The following DIO2 variants were observed in gnomAD, a reference collection of about 807,000 sequenced individuals.
The protein encoded by DIO2 is iodothyronine deiodinase 2.
In DIO2, 19 loss-of-function variants were observed where a neutral mutation model predicts 21.4. The ratio of observed to expected loss-of-function variants is 0.89; its 90% confidence interval spans 0.62 to 1.30. The LOEUF (loss-of-function observed/expected upper bound fraction) is 1.30. Ranked by LOEUF, DIO2 falls within the 50% of genes most tolerant of loss-of-function variation. DIO2 has a pLI of 0.00. For missense variants in DIO2, 302 were observed against 338.1 expected (o/e 0.89, Z 0.84); for synonymous variants, 122 against 132.9 (o/e 0.92, Z 0.57).
chr14:80,205,405 T>A (rs1322097125), intron 1 of DIO2, among the ~76,000 whole-genome samples: 1 of 152,198 alleles, frequency 6.6e-6, no homozygotes, highest in East Asian at 1.9e-4. Context: ...TGTACACTTG[T>A]AGGTTCTTGA....
At chr14:80,224,703 C>G (rs1888536997) in intron 2 of DIO2, among the ~76,000 whole-genome samples, 2 of 152,158 alleles carry the variant, frequency 1.3e-5, no homozygotes, top group African/African-American at 4.8e-5. Flanking sequence ...GAAACTCATA[C>G]AGGCTGCAAT....
Position 80,211,238 on chromosome 14 carries a change from C to T in DIO2, c.222+13G>A. On this transcript the variant is annotated intron_variant, in intron 1 of 1. Coordinates refer to ENST00000438257, the MANE Select transcript of DIO2 (RefSeq NM_013989.5). Reference sequence around the variant, plus strand: ...TGTAGACCTAGGGAGAAGCCCTTCTCAGCTCAGCTCACCTGTTTGTAGGCA... The same window carrying T: ...TGTAGACCTAGGGAGAAGCCCTTCTTAGCTCAGCTCACCTGTTTGTAGGCA... The T allele has an allele frequency of 6.2e-7, 1 of 1,604,258 alleles. No individual in the cohort carries two copies. The highest frequency in any genetic ancestry group is 8.5e-7 in the Non-Finnish European group (1 of 1,177,574).
rs1887820632 is a variant in DIO2, at chr14:80,203,302, A to T, written c.223-14T>A. On this transcript the variant is annotated splice_polypyrimidine_tract_variant and intron_variant, in intron 1 of 1. Coordinates refer to ENST00000438257, the MANE Select transcript of DIO2 (RefSeq NM_013989.5). ...ACCCAATTTCACCTGACGGTAAAAA[A>T]AAAAAAAAAGAAGAAGAAGAAGAAG... 2.0e-6 allele frequency: 3 copies of T among 1,503,920 alleles called. No homozygotes were observed. In the African/African-American group the frequency reaches 4.3e-5, roughly 21 times the overall value. The allele number at this position is 1,503,920 out of a possible 1,614,324, so 93.2% of individuals were successfully genotyped here. A position where few individuals can be genotyped will look rare whatever the true frequency, so the allele number is the denominator to read the frequency against.
chr14:80,201,505 G>C lies in DIO2; in HGVS notation c.*1184C>G, dbSNP rs1887722342. ...TATACATATATTTGTATGTATGTAT[G>C]TATGTGTGTATGTACGTATAATTTC... On this transcript the variant is annotated 3_prime_UTR_variant, in exon 2 of 2. Coordinates refer to ENST00000438257, the MANE Select transcript of DIO2 (RefSeq NM_013989.5). 6.6e-6 allele frequency: 1 copy of C among 152,114 alleles called. No individual in the cohort carries two copies. The highest frequency in any genetic ancestry group is 6.6e-5 in the Admixed American group (1 of 15,264). The allele number at this position is 152,114 out of a possible 1,614,324, so 9.4% of individuals were successfully genotyped here. A position where few individuals can be genotyped will look rare whatever the true frequency, so the allele number is the denominator to read the frequency against.
At chr14:80,225,049 T>C (rs1305428899) in intron 2 of DIO2, among the ~76,000 whole-genome samples, 1 of 152,170 alleles carries the variant, frequency 6.6e-6, no homozygotes, top group Middle Eastern at 3.2e-3. Context: ...CAGTCTTACC[T>C]TTTCATGTTT....
chr14:80,218,099 A>G (rs1253112848), intron 2 of DIO2, among the ~76,000 whole-genome samples: 1 of 152,204 alleles, frequency 6.6e-6, no homozygotes, highest in African/African-American at 2.4e-5. Flanking sequence ...TATTCTAAAA[A>G]TATTCAATAT....
rs974520402 is a variant in DIO2, at chr14:80,227,277, G to A, written c.-277-10540C>T. On this transcript the variant is annotated intron_variant, in intron 2 of 4. Coordinates refer to the DIO2 transcript ENST00000553594. ...CATTGGTGTAGGCTGGGGAAGAGAA[G>A]GCAGGGTGGCAGGAGTGGAGACCAT... Among the ~76,000 whole-genome samples the A allele has an allele frequency of 7.2e-5, 11 of 152,174 alleles. No homozygotes were observed. In the South Asian group the frequency reaches 1.0e-3, roughly 14 times the overall value.
chr14:80,217,324 C>T (rs544440503), intron 2 of DIO2, among the ~76,000 whole-genome samples: 3 of 152,086 alleles, frequency 2.0e-5, no homozygotes, highest in Admixed American at 1.3e-4. Flanking sequence ...TTTTTAAGCT[C>T]GTGGTACTCT....
upstream of DIO2, chr14:80,211,637 C>G (rs1217200219): frequency 3.3e-6 from 2 of 599,760 alleles, no homozygotes; most frequent in Non-Finnish European, 5.8e-6. Flanking sequence ...CAAGTTGTCT[C>G]CTCTTTCAAA....
rs1182556109 is a variant in DIO2, at chr14:80,202,910, G to A, written c.601C>T (p.Arg201Cys). 1.2e-6 allele frequency: 2 copies of A among 1,613,944 alleles called. No individual in the cohort carries two copies. The highest frequency in any genetic ancestry group is 4.5e-5 in the East Asian group (2 of 44,870). The part of the protein sequence containing the change: ...RCAAAQQLLE[R>C]FSLPPQCRVV... ...CGGCACTGGGGCGGCAAGGAGAAACGCTCCAGAAGCTGCTGGGCTGCTGCA... is the reference window on the plus strand; with the variant it reads ...CGGCACTGGGGCGGCAAGGAGAAACACTCCAGAAGCTGCTGGGCTGCTGCA... Residue 201 changes from arginine (R) to cysteine (C), a missense_variant, in exon 2 of 2, where the codon CGT becomes TGT. Physicochemically the swap from Arg to Cys is radical, Grantham distance 180. Coordinates refer to ENST00000438257, the MANE Select transcript of DIO2 (RefSeq NM_013989.5).
rs952129075 is a variant in DIO2, at chr14:80,201,787, C to A, written c.*902G>T. ...GTATTTTTTTTTCTTTCAATCACCC[C>A]TTTCTCCTCTCTAGGAGCATATGAC... is the stretch of plus-strand genomic sequence containing the variant. On this transcript the variant is annotated 3_prime_UTR_variant, in exon 2 of 2. Transcript: ENST00000438257. 2.6e-5 allele frequency: 4 copies of A among 152,184 alleles called. No individual in the cohort carries two copies. Among genetic ancestry groups the A allele is most frequent in the African/African-American group, 9.7e-5 (4 of 41,436 alleles). The allele number at this position is 152,184 out of a possible 1,614,324, so 9.4% of individuals were successfully genotyped here. A position where few individuals can be genotyped will look rare whatever the true frequency, so the allele number is the denominator to read the frequency against.
At chr14:80,223,135 A>G (rs529150980) in intron 2 of DIO2, among the ~76,000 whole-genome samples, 1 of 152,316 alleles carries the variant, frequency 6.6e-6, no homozygotes, top group African/African-American at 2.4e-5. Context: ...GGCATAATCC[A>G]TCATGCCCAG....
intron 2 of DIO2, among the ~76,000 whole-genome samples, chr14:80,223,156 C>G (rs909483293): frequency 6.6e-6 from 1 of 152,114 alleles, no homozygotes; most frequent in African/African-American, 2.4e-5. Flanking sequence ...CCTGGAAATA[C>G]TGTTTCTATT....
intron 2 of DIO2, among the ~76,000 whole-genome samples, chr14:80,221,129 C>T (rs989178724): frequency 6.6e-6 from 1 of 152,084 alleles, no homozygotes; most frequent in Non-Finnish European, 1.5e-5. Context: ...TCTTTATAAC[C>T]CCTACTCACT....
intron 2 of DIO2, among the ~76,000 whole-genome samples, chr14:80,223,136 T>C (rs773191348): frequency 6.6e-6 from 1 of 152,186 alleles, no homozygotes; most frequent in Non-Finnish European, 1.5e-5. Context: ...GCATAATCCA[T>C]CATGCCCAGC....
chr14:80,224,901 G>C (rs2140021901), intron 2 of DIO2, among the ~76,000 whole-genome samples: 1 of 152,228 alleles, frequency 6.6e-6, no homozygotes, highest in East Asian at 1.9e-4. Context: ...ATGATCACAA[G>C]GTCCCACAAT....
intron 2 of DIO2, among the ~76,000 whole-genome samples, chr14:80,220,040 TTGTGTGTG>T (rs10553303): frequency 2.7e-5 from 4 of 149,990 alleles, no homozygotes; most frequent in East Asian, 2.0e-4. Flanking sequence ...CAATCTTGTT[TTGTGTGTG>T]TGTGTGTGTG....
At chr14:80,227,167 C>A (rs1258195184) in intron 2 of DIO2, among the ~76,000 whole-genome samples, 2 of 152,194 alleles carry the variant, frequency 1.3e-5, no homozygotes, top group Non-Finnish European at 2.9e-5. Flanking sequence ...CAGGTGGTGC[C>A]TGCATATCAT....
intron 1 of DIO2, among the ~76,000 whole-genome samples, chr14:80,209,920 T>C (rs549934443): frequency 7.2e-5 from 11 of 152,226 alleles, no homozygotes; most frequent in Non-Finnish European, 1.2e-4. Context: ...TTACTTCTTC[T>C]CTTTTCTTGG....
Sources: allele counts gnomAD v4.1 joint callset (sites outside exome capture counted in the v4.1 genomes callset), GRCh38; gene constraint gnomAD v4.1.1; transcripts MANE v1.5; gene names NCBI Gene and HGNC (gene_info 2026-07-23, HGNC 2026-07-21).